CAMSAP1: variants seen among roughly 807,000 people sequenced by gnomAD.
The protein encoded by CAMSAP1 is calmodulin-regulated spectrin-associated protein 1.
In CAMSAP1, 58 loss-of-function variants were observed where a neutral mutation model predicts 143.5. The ratio of observed to expected loss-of-function variants is 0.40; its 90% confidence interval spans 0.33 to 0.50. The LOEUF (loss-of-function observed/expected upper bound fraction) is 0.50. Ranked by LOEUF, CAMSAP1 falls within the 20% of genes least tolerant of loss-of-function variation. The probability of loss-of-function intolerance (pLI) is 0.45; values close to 1 mark genes in which losing one functional copy is unlikely to be tolerated. For synonymous variants in CAMSAP1, 945 were observed against 859.3 expected, an observed-to-expected ratio of 1.10 and a Z score of -1.74; for missense variants, 1,969 against 2,115.7, an observed-to-expected ratio of 0.93 and a Z score of 1.36.
At chr9:135,815,808 A>C (rs1247318629) in intron 15 of CAMSAP1, 82 bp downstream of exon 15, 23 of 1,153,224 alleles carry the variant, frequency 2.0e-5, no homozygotes, top group Non-Finnish European at 2.3e-5. Flanking sequence ...TTAGACCAAA[A>C]TAGAGAACAG....
intron 7 of CAMSAP1, among the ~76,000 whole-genome samples, chr9:135,848,351 A>G (rs1836651183): frequency 6.6e-6 from 1 of 152,164 alleles, no homozygotes; most frequent in South Asian, 2.1e-4. Context: ...GTGCACGCAC[A>G]CACAGAGAGA....
In CAMSAP1 at chr9:135,907,205, C is replaced by T. The variant is rs886088481; in HGVS notation, c.-46G>A. 2.9e-6 allele frequency: 3 copies of T among 1,041,546 alleles called. No homozygotes were observed. In the African/African-American group the frequency reaches 5.2e-5, roughly 18 times the overall value. The allele number at this position is 1,041,546 out of a possible 1,614,324, so 64.5% of individuals were successfully genotyped here. ...CGGCGGCCCGGCCGCAACAAAGGCG[C>T]CGCCGCCCCTCGCCGCGCCGGGCCC... On this transcript the variant is annotated 5_prime_UTR_variant, in exon 1 of 17. Coordinates refer to ENST00000389532, the MANE Select transcript of CAMSAP1 (RefSeq NM_015447.4).
At chr9:135,878,112 T>C (rs1837813564) in intron 3 of CAMSAP1, among the ~76,000 whole-genome samples, 1 of 152,116 alleles carries the variant, frequency 6.6e-6, no homozygotes, top group African/African-American at 2.4e-5. Flanking sequence ...GTCTCAGAAA[T>C]GGTCCCGGAA....
chr9:135,855,924 C>T (rs1159427968), intron 5 of CAMSAP1, among the ~76,000 whole-genome samples: 3 of 151,812 alleles, frequency 2.0e-5, no homozygotes, highest in Admixed American at 6.6e-5. Flanking sequence ...CGGTGGCGGG[C>T]GCCTGTGGTC....
In CAMSAP1 at chr9:135,906,982, GC is replaced by G; in HGVS notation, c.160+17del. The stretch of plus-strand genomic sequence containing the variant: ...CCCGCGCCCCTGGCCCCCGCCCCGC[GC>G]CCCTCACCCGGCCCACCTCGGCCGT... On this transcript the variant is annotated intron_variant, in intron 1 of 16. Coordinates refer to ENST00000389532, the MANE Select transcript of CAMSAP1 (RefSeq NM_015447.4). 9.5e-7 allele frequency: 1 copy of G among 1,049,800 alleles called. No homozygotes were observed. The highest frequency in any genetic ancestry group is 4.4e-4 in the Middle Eastern group (1 of 2,296). The allele number at this position is 1,049,800 out of a possible 1,614,324, so 65.0% of individuals were successfully genotyped here.
At chr9:135,831,899 A>T (rs1296473767) in intron 7 of CAMSAP1, among the ~76,000 whole-genome samples, 2 of 152,214 alleles carry the variant, frequency 1.3e-5, no homozygotes, top group African/African-American at 4.8e-5. Flanking sequence ...TGAACAAAGA[A>T]GATATCTAAA....
intron 5 of CAMSAP1, among the ~76,000 whole-genome samples, chr9:135,851,901 C>T (rs12004936): frequency 0.019 from 2,883 of 152,266 alleles, 98 homozygotes; most frequent in African/African-American, 0.067. Context: ...AGAGGGGACT[C>T]GCTGGGCCAC....
chr9:135,847,595 T>A (rs1030280434), intron 7 of CAMSAP1, among the ~76,000 whole-genome samples: 6 of 149,460 alleles, frequency 4.0e-5, no homozygotes, highest in African/African-American at 1.5e-4. Flanking sequence ...CTCAGCAAAC[T>A]AACACAGGAA....
intron 1 of CAMSAP1, among the ~76,000 whole-genome samples, chr9:135,901,645 T>A (rs2131030036): frequency 6.6e-6 from 1 of 152,124 alleles, no homozygotes; most frequent in East Asian, 1.9e-4. Flanking sequence ...AGGCAAGTCT[T>A]TGGCATTTCC....
chr9:135,833,372 C>G (rs1010063878), intron 7 of CAMSAP1, among the ~76,000 whole-genome samples: 8 of 152,174 alleles, frequency 5.3e-5, no homozygotes, highest in Non-Finnish European at 1.2e-4. Context: ...TGAGCCACCG[C>G]GCCCGGCCAG....
intron 5 of CAMSAP1, among the ~76,000 whole-genome samples, chr9:135,856,837 GCCT>G (rs1411115100): frequency 1.3e-5 from 2 of 152,210 alleles, no homozygotes; most frequent in Non-Finnish European, 2.9e-5. Context: ...CAGGCCAACT[GCCT>G]CCTCCTGGTC....
In CAMSAP1 at chr9:135,905,356, G is replaced by A. The variant is rs534987041; in HGVS notation, c.160+1644C>T. ...TGCATGCACCTTGCTAAAGAAATTG[G>A]AAAGCAGATCGTGAAAGTTCTTTTT... is the stretch of plus-strand genomic sequence containing the variant. On this transcript the variant is annotated intron_variant, in intron 1 of 16. Transcript: ENST00000389532. Among the ~76,000 whole-genome samples, 4 of 152,348 alleles carry A rather than the reference G, an allele frequency of 2.6e-5. No individual in the cohort carries two copies. In the South Asian group the frequency reaches 8.3e-4, roughly 32 times the overall value.
intron 16 of CAMSAP1, among the ~76,000 whole-genome samples, chr9:135,814,891 G>A (rs986474240): frequency 6.6e-6 from 1 of 152,214 alleles, no homozygotes; most frequent in African/African-American, 2.4e-5. Flanking sequence ...CCTCCTGGGT[G>A]TTCCTCCAGC....
chr9:135,855,190 C>T (rs982017434), intron 5 of CAMSAP1, among the ~76,000 whole-genome samples: 29 of 152,126 alleles, frequency 1.9e-4, no homozygotes, highest in Non-Finnish European at 3.5e-4. Flanking sequence ...CAGGGTTTCA[C>T]CTTGTTGGCC....
At chr9:135,855,851 G>A (rs990124995) in intron 5 of CAMSAP1, among the ~76,000 whole-genome samples, 12 of 151,264 alleles carry the variant, frequency 7.9e-5, no homozygotes, top group Admixed American at 4.6e-4. Context: ...AGGAGATCAA[G>A]ACCATCCTGG....
Position 135,824,495 on chromosome 9 carries a change from T to G in CAMSAP1, c.1315+294A>C, listed in dbSNP as rs1357163341. Among the ~76,000 whole-genome samples, 1 of 152,124 alleles carries G rather than the reference T, an allele frequency of 6.6e-6. No homozygotes were observed. Among genetic ancestry groups the G allele is most frequent in the Admixed American group, 6.5e-5 (1 of 15,270 alleles). ...TCCTGGCCGACATGATGAAACCCTG[T>G]CTCTACTAAAAATACAAAAATTAAC... On this transcript the variant is annotated intron_variant, in intron 9 of 16. Coordinates refer to ENST00000389532, the MANE Select transcript of CAMSAP1 (RefSeq NM_015447.4). This position sits in a 1 kb window ranked among gnomAD's most constrained non-coding sequence, Gnocchi z 4.1.
chr9:135,841,438 A>C (rs1383467367), intron 7 of CAMSAP1, among the ~76,000 whole-genome samples: 1 of 152,158 alleles, frequency 6.6e-6, no homozygotes, highest in Non-Finnish European at 1.5e-5. Flanking sequence ...GCAGACTTAA[A>C]CATCACCGCC....
Position 135,818,072 on chromosome 9 carries a change from G to C in CAMSAP1, c.4176C>G (p.Asn1392Lys), listed in dbSNP as rs757304645. Residue 1392 changes from asparagine (N) to lysine (K), a missense_variant, in exon 14 of 17, where the codon AAC becomes AAG. Physicochemically the swap from Asn to Lys is moderately conservative, Grantham distance 94. Coordinates refer to ENST00000389532, the MANE Select transcript of CAMSAP1 (RefSeq NM_015447.4). The surrounding 1 kb of genome is among the most constrained non-coding windows in gnomAD (Gnocchi z 7.7). Reference sequence around the variant, plus strand: ...TGGAGCCTGACTGAGTCCGGCTCAAGTTATCAGCTGCCAGAGACAGAAACA... The same window carrying C: ...TGGAGCCTGACTGAGTCCGGCTCAACTTATCAGCTGCCAGAGACAGAAACA... Reference protein sequence around the residue: ...SGTKCSSTPDNLSRTQSGSSL... With the variant: ...SGTKCSSTPDKLSRTQSGSSL... The C allele has an allele frequency of 5.6e-6, 9 of 1,613,718 alleles. No individual in the cohort carries two copies. The highest frequency in any genetic ancestry group is 7.6e-6 in the Non-Finnish European group (9 of 1,179,852).
intron 5 of CAMSAP1, among the ~76,000 whole-genome samples, chr9:135,861,343 C>T (rs1336253119): frequency 1.3e-5 from 2 of 150,954 alleles, no homozygotes; most frequent in East Asian, 2.0e-4. Flanking sequence ...GACAGAGTCT[C>T]GCTCTGTTGC....
Sources: gnomAD v4.1 joint callset for allele counts (sites outside exome capture counted in the v4.1 genomes callset) on GRCh38, gnomAD v4.1.1 for gene constraint, Gnocchi (gnomAD v3.1) non-coding constraint, MANE v1.5 for transcripts, NCBI Gene and HGNC (gene_info 2026-07-23, HGNC 2026-07-21) for gene names.